Variants in CAST observed in about 807,000 individuals in gnomAD.
CAST encodes MIR583 host.
In CAST, 76 loss-of-function variants were observed where a neutral mutation model predicts 119.6. The ratio of observed to expected loss-of-function variants is 0.64; its 90% CI spans 0.53 to 0.77. The LOEUF is 0.77. Among genes scored for constraint, CAST ranks in the 30% least tolerant of loss-of-function variants. CAST has a pLI of 0.00. For synonymous variants in CAST, 319 were observed against 331.6 expected, an observed-to-expected ratio of 0.96 and a Z score of 0.41; for missense variants, 953 against 946.5, an observed-to-expected ratio of 1.01 and a Z score of -0.09.
At chr5:96,478,774 G>A in the CAST span, among the ~76,000 whole-genome samples, 4 of 152,334 alleles carry the variant, frequency 2.6e-5, no homozygotes, top group South Asian at 8.3e-4. Context: ...ATGATATGTA[G>A]GAAGGGTCTG....
the CAST span, among the ~76,000 whole-genome samples, chr5:96,194,117 G>A: frequency 6.6e-6 from 1 of 152,160 alleles, no homozygotes; most frequent in Non-Finnish European, 1.5e-5. Flanking sequence ...AACATTTACA[G>A]ATCGAGATCT....
chr5:95,965,123 G>A, the CAST span: 1 of 152,252 alleles, frequency 6.6e-6, no homozygotes, highest in Non-Finnish European at 1.5e-5. Context: ...AATGTCATAG[G>A]GACTGAAGAT....
chr5:96,413,656 C>T, the CAST span, among the ~76,000 whole-genome samples: 1 of 151,274 alleles, frequency 6.6e-6, no homozygotes, highest in Admixed American at 6.6e-5. Flanking sequence ...AAAAATTAGT[C>T]AGGCATGCTG....
At chr5:96,429,405 G>A in the CAST span, 3 of 738,006 alleles carry the variant, frequency 4.1e-6, no homozygotes, top group South Asian at 3.1e-5. Flanking sequence ...TTAGAGATAG[G>A]CAACTTTTAT....
chr5:96,267,835 A>G, the CAST span, among the ~76,000 whole-genome samples: 1 of 152,242 alleles, frequency 6.6e-6, no homozygotes, highest in Non-Finnish European at 1.5e-5. Context: ...AGTATGAAGC[A>G]TAAAAGATAA....
At chr5:96,480,294 C>T in the CAST span, among the ~76,000 whole-genome samples, 1 of 152,004 alleles carries the variant, frequency 6.6e-6, no homozygotes, top group Non-Finnish European at 1.5e-5. Flanking sequence ...GAATTGAATA[C>T]AGAAAATAAG....
chr5:96,249,980 C>T, the CAST span, among the ~76,000 whole-genome samples: 1 of 152,166 alleles, frequency 6.6e-6, no homozygotes. Context: ...ACATCTGCTT[C>T]TCCTGCTTTC....
the CAST span, among the ~76,000 whole-genome samples, chr5:96,046,589 A>T: frequency 6.6e-6 from 1 of 152,236 alleles, no homozygotes; most frequent in African/African-American, 2.4e-5. Flanking sequence ...CCATATGGGC[A>T]GCAGTGTCTA....
chr5:96,170,824 CT>C, the CAST span, among the ~76,000 whole-genome samples: 5 of 152,102 alleles, frequency 3.3e-5, no homozygotes, highest in Non-Finnish European at 2.9e-5. Context: ...GAGGAAATTG[CT>C]GGGCAGGTGG....
intron 1 of CAST, among the ~76,000 whole-genome samples, chr5:96,575,908 G>A (rs1331073379): frequency 2.0e-5 from 3 of 152,122 alleles, no homozygotes; most frequent in African/African-American, 7.2e-5. Flanking sequence ...CTCCCAAATT[G>A]CTAGGGATAC....
chr5:96,184,428 C>A, the CAST span, among the ~76,000 whole-genome samples: 7 of 152,218 alleles, frequency 4.6e-5, no homozygotes, highest in South Asian at 1.5e-3. Flanking sequence ...GTTCGTGCCA[C>A]GGTGGTTTGC....
At chr5:96,185,553 A>G in the CAST span, among the ~76,000 whole-genome samples, 1 of 152,184 alleles carries the variant, frequency 6.6e-6, no homozygotes, top group Non-Finnish European at 1.5e-5. Context: ...GTCCAGTTTC[A>G]ATTTTCTGCA....
the CAST span, chr5:96,423,482 C>T: frequency 6.2e-7 from 1 of 1,612,774 alleles, no homozygotes; most frequent in Non-Finnish European, 8.5e-7. Flanking sequence ...AACAACGAAG[C>T]ATTGATAAAA....
the CAST span, among the ~76,000 whole-genome samples, chr5:96,490,651 A>T: frequency 0.01 from 1,596 of 152,178 alleles, 32 homozygotes; most frequent in African/African-American, 0.037. Context: ...AGAAGTGGGG[A>T]TTTGTCATCA....
At chr5:96,561,766 T>C (rs1746366288) in intron 1 of CAST, among the ~76,000 whole-genome samples, 1 of 149,178 alleles carries the variant, frequency 6.7e-6, no homozygotes, top group African/African-American at 2.5e-5. Context: ...TATATATGTA[T>C]ATATGTGTAT....
At chr5:96,473,652 C>T in the CAST span, among the ~76,000 whole-genome samples, 1 of 152,194 alleles carries the variant, frequency 6.6e-6, no homozygotes, top group Non-Finnish European at 1.5e-5. Flanking sequence ...CCAATAGCAT[C>T]CCATGGGCCA....
the CAST span, among the ~76,000 whole-genome samples, chr5:96,157,544 C>T: frequency 6.6e-6 from 1 of 152,178 alleles, no homozygotes; most frequent in African/African-American, 2.4e-5. Flanking sequence ...ACAGTGTGTC[C>T]AGGTGCACTG....
the CAST span, among the ~76,000 whole-genome samples, chr5:96,068,977 G>A: frequency 1.3e-5 from 2 of 150,848 alleles, no homozygotes; most frequent in Admixed American, 6.6e-5. Flanking sequence ...GTGTATGTAT[G>A]TGTATATACG....
chr5:96,533,330 A>G (rs966529052), intron 1 of CAST, among the ~76,000 whole-genome samples: 1 of 152,186 alleles, frequency 6.6e-6, no homozygotes, highest in Admixed American at 6.5e-5. Context: ...AGAACTACCA[A>G]GGAAAATCTC....
Sources: gnomAD v4.1 joint callset for allele counts (sites outside exome capture counted in the v4.1 genomes callset) on GRCh38, gnomAD v4.1.1 for gene constraint, MANE v1.5 for transcripts, NCBI Gene and HGNC (gene_info 2026-07-23, HGNC 2026-07-21) for gene names.